The following CFAP299 variants were observed in gnomAD, a reference collection of about 807,000 sequenced individuals.
The protein encoded by CFAP299 is cilia- and flagella-associated protein 299.
Under a neutral mutation model 27.0 loss-of-function variants are expected in CFAP299, and 21 were observed. The ratio of observed to expected loss-of-function variants is 0.78; its 90% CI spans 0.55 to 1.12. The LOEUF (loss-of-function observed/expected upper bound fraction) is 1.12, where lower values mean the gene tolerates loss of function less well. CFAP299 is among the 50% of genes most tolerant of loss of function. The pLI is 0.00. For missense variants in CFAP299, 310 were observed against 276.6 expected (o/e 1.12, Z -0.86); for synonymous variants, 104 against 98.1 (o/e 1.06, Z -0.36).
At chr4:80,587,604 C>A (rs1280466330) in intron 3 of CFAP299, among the ~76,000 whole-genome samples, 1 of 151,658 alleles carries the variant, frequency 6.6e-6, no homozygotes, top group Non-Finnish European at 1.5e-5. Context: ...TTTTTCTTTT[C>A]TTTTCTGAGA....
intron 4 of CFAP299, among the ~76,000 whole-genome samples, chr4:80,873,328 A>C (rs1733208603): frequency 6.6e-6 from 1 of 152,152 alleles, no homozygotes; most frequent in African/African-American, 2.4e-5. Flanking sequence ...CTGGTCTTGC[A>C]TTTTTACTGT....
At chr4:80,784,586 C>T (rs1051675929) in intron 3 of CFAP299, among the ~76,000 whole-genome samples, 3 of 151,838 alleles carry the variant, frequency 2.0e-5, no homozygotes, top group East Asian at 1.9e-4. Flanking sequence ...GGTGTCATCT[C>T]GGCTCACCGC....
intron 2 of CFAP299, among the ~76,000 whole-genome samples, chr4:80,471,292 C>A (rs1268575546): frequency 1.3e-5 from 2 of 151,870 alleles, no homozygotes; most frequent in Admixed American, 6.6e-5. Context: ...AAACAAATAA[C>A]AACTACCAAA....
chr4:80,426,448 G>C (rs1458374529), intron 2 of CFAP299, among the ~76,000 whole-genome samples: 1 of 152,136 alleles, frequency 6.6e-6, no homozygotes, highest in Non-Finnish European at 1.5e-5. Flanking sequence ...CAAGAAAAAA[G>C]TAAATCTACA....
intron 3 of CFAP299, among the ~76,000 whole-genome samples, chr4:80,772,305 A>C (rs933640853): frequency 3.3e-5 from 5 of 152,166 alleles, no homozygotes; most frequent in Admixed American, 2.6e-4. Context: ...GCCAGACAAT[A>C]GTGTGGTGCA....
At chr4:80,685,406 C>T (rs1720117916) in intron 3 of CFAP299, among the ~76,000 whole-genome samples, 1 of 151,964 alleles carries the variant, frequency 6.6e-6, no homozygotes, top group African/African-American at 2.4e-5. Context: ...GAACTGAAAC[C>T]TTGCCAATTG....
chr4:80,692,592 C>G (rs1720795098), intron 3 of CFAP299, among the ~76,000 whole-genome samples: 1 of 152,052 alleles, frequency 6.6e-6, no homozygotes, highest in Non-Finnish European at 1.5e-5. Flanking sequence ...CATAAAAAAC[C>G]CTAGAAGAAA....
At chr4:80,608,271 TAGG>T in intron 3 of CFAP299, 4 of 1,079,426 alleles carry the variant, frequency 3.7e-6, no homozygotes, top group Non-Finnish European at 2.7e-6. Context: ...ATACTTTAGA[TAGG>T]AGATTTGTTA....
intron 3 of CFAP299, among the ~76,000 whole-genome samples, chr4:80,634,915 C>T (rs898281651): frequency 6.6e-6 from 1 of 151,862 alleles, no homozygotes; most frequent in Non-Finnish European, 1.5e-5. Flanking sequence ...ATGTGGAATA[C>T]CCTTTGTCTA....
chr4:80,363,984 G>T (rs1048522540), intron 2 of CFAP299, among the ~76,000 whole-genome samples: 12 of 152,018 alleles, frequency 7.9e-5, no homozygotes, highest in African/African-American at 2.7e-4. Flanking sequence ...TTACTCAGGA[G>T]GCTGAGGCAG....
intron 3 of CFAP299, among the ~76,000 whole-genome samples, chr4:80,620,301 A>G (rs1738516475): frequency 6.6e-6 from 1 of 152,118 alleles, no homozygotes; most frequent in South Asian, 2.1e-4. Flanking sequence ...AAGTAATACC[A>G]TTATACCATG....
intron 2 of CFAP299, among the ~76,000 whole-genome samples, chr4:80,571,190 T>C (rs1735564021): frequency 6.6e-6 from 1 of 152,122 alleles, no homozygotes. Flanking sequence ...GATCAGCGGC[T>C]TCTATCTAAA....
intron 2 of CFAP299, among the ~76,000 whole-genome samples, chr4:80,519,620 CAAT>C (rs1732801378): frequency 6.6e-6 from 1 of 152,020 alleles, no homozygotes; most frequent in African/African-American, 2.4e-5. Context: ...TGAAATTAAA[CAAT>C]GAGATACAGT....
chr4:80,686,117 T>C (rs1209116141), intron 3 of CFAP299, among the ~76,000 whole-genome samples: 1 of 149,896 alleles, frequency 6.7e-6, no homozygotes, highest in Non-Finnish European at 1.5e-5. Context: ...AATAAATCCA[T>C]GGGAACTTTA....
intron 4 of CFAP299, among the ~76,000 whole-genome samples, chr4:80,924,964 A>G (rs1736234729): frequency 6.6e-6 from 1 of 151,864 alleles, no homozygotes. Flanking sequence ...AAATTACTTT[A>G]TAGAAGAGCT....
At chr4:80,893,931 T>C (rs896738833) in intron 4 of CFAP299, among the ~76,000 whole-genome samples, 2 of 151,804 alleles carry the variant, frequency 1.3e-5, no homozygotes, top group Non-Finnish European at 2.9e-5. Context: ...ACACAATCTA[T>C]GAAATGGGAG....
At chr4:80,391,825 G>T (rs1725498597) in intron 2 of CFAP299, among the ~76,000 whole-genome samples, 1 of 152,066 alleles carries the variant, frequency 6.6e-6, no homozygotes, top group South Asian at 2.1e-4. Context: ...AAATTAGCCA[G>T]GCATGGTGGG....
chr4:80,854,684 T>C (rs1731722162), intron 3 of CFAP299, among the ~76,000 whole-genome samples: 1 of 151,686 alleles, frequency 6.6e-6, no homozygotes, highest in African/African-American at 2.4e-5. Context: ...GAAAGGGTGT[T>C]CGTGAAAGTT....
At chr4:80,861,341 C>A (rs1732341603) in intron 3 of CFAP299, among the ~76,000 whole-genome samples, 1 of 152,204 alleles carries the variant, frequency 6.6e-6, no homozygotes, top group Admixed American at 6.5e-5. Context: ...GGAACGGGAA[C>A]TCCCTGACCC....
Sources: gnomAD v4.1 joint callset for allele counts (sites outside exome capture counted in the v4.1 genomes callset) on GRCh38, gnomAD v4.1.1 for gene constraint, MANE v1.5 for transcripts, NCBI Gene and HGNC (gene_info 2026-07-23, HGNC 2026-07-21) for gene names.